The following ARHGEF10L variants were observed in gnomAD, a reference collection of about 807,000 sequenced individuals.
ARHGEF10L encodes Rho guanine nucleotide exchange factor 10 like.
ARHGEF10L carries 69 observed loss-of-function variants against 141.2 expected under a neutral mutation model. That is an observed-to-expected ratio of 0.49 (90% CI 0.40 to 0.60). The LOEUF is 0.60. Ranked by LOEUF, ARHGEF10L falls within the 20% of genes least tolerant of loss-of-function variation. The pLI, the probability that ARHGEF10L is intolerant of heterozygous loss-of-function variation, is 0.00. For synonymous variants in ARHGEF10L, 711 were observed against 718.5 expected, an observed-to-expected ratio of 0.99 and a Z score of 0.17; for missense variants, 1,482 against 1,734.3, an observed-to-expected ratio of 0.85 and a Z score of 2.58.
chr1:17,627,307 C>T lies in ARHGEF10L; in HGVS notation c.1411-23C>T, dbSNP rs769470123. The T allele has an allele frequency of 6.2e-6, 10 of 1,606,770 alleles. No individual in the cohort carries two copies. The Admixed American group carries it at 1.5e-4, about 24-fold the overall frequency. On this transcript the variant is annotated intron_variant, in intron 14 of 28. Coordinates refer to ENST00000361221, the MANE Select transcript of ARHGEF10L (RefSeq NM_018125.4). The surrounding 1 kb of genome is among the most constrained non-coding windows in gnomAD (Gnocchi z 4.0). ...TAGAGTTGGTCATGGGTGGGCTGCTCAGTCTCTGCTCTGACCTGGCAGGAC... is the reference window on the plus strand; with the variant it reads ...TAGAGTTGGTCATGGGTGGGCTGCTTAGTCTCTGCTCTGACCTGGCAGGAC...
chr1:17,587,622 A>G lies in ARHGEF10L; in HGVS notation c.200A>G (p.His67Arg), dbSNP rs746146025. 3 of 1,613,000 alleles carry G rather than the reference A, an allele frequency of 1.9e-6. No homozygotes were observed. The highest frequency in any genetic ancestry group is 2.5e-6 in the Non-Finnish European group (3 of 1,179,496). Reference sequence around the variant, plus strand: ...AGGGACACAGACCCCCCACTGATCCACTTGGACTCCATCCCTGTCACTGGT... The same window carrying G: ...AGGGACACAGACCCCCCACTGATCCGCTTGGACTCCATCCCTGTCACTGGT... ...PERDTDPPLIHLDSIPVTDPD... is the reference protein window; with the variant it reads ...PERDTDPPLIRLDSIPVTDPD... Residue 67 changes from histidine (H) to arginine (R), a missense_variant, in exon 3 of 29, where the codon CAC becomes CGC. Around this residue, in one of 3 missense-constraint regions of ARHGEF10L, gnomAD observed 232 missense variants for 225.9 expected, o/e 1.03. Transcript: ENST00000361221.
intron 27 of ARHGEF10L, among the ~76,000 whole-genome samples, chr1:17,689,031 A>G (rs189954147): frequency 1.3e-5 from 2 of 152,020 alleles, no homozygotes; most frequent in Admixed American, 6.5e-5. Flanking sequence ...TTTCACCCTA[A>G]CCCTGCGAGC....
chr1:17,662,436 A>G (rs1380809697), intron 25 of ARHGEF10L, among the ~76,000 whole-genome samples: 1 of 152,214 alleles, frequency 6.6e-6, no homozygotes, highest in Non-Finnish European at 1.5e-5. Context: ...CCAAGTTCAC[A>G]CAGAAGTTCT....
chr1:17,697,716 G>C lies in ARHGEF10L; in HGVS notation c.*336G>C, dbSNP rs1558069883. On this transcript the variant is annotated 3_prime_UTR_variant, in exon 29 of 29. Transcript: ENST00000361221. The surrounding 1 kb of genome is among the most constrained non-coding windows in gnomAD (Gnocchi z 4.8). ...AGGCAGCCACACGCCCCTCCTGGAA[G>C]GGTGTGTGCGTGTGAGTGTGTGCGA... 1 of 516,658 alleles carries C rather than the reference G, an allele frequency of 1.9e-6. No individual in the cohort carries two copies. Among genetic ancestry groups the C allele is most frequent in the East Asian group, 5.1e-5 (1 of 19,510 alleles). The allele number at this position is 516,658 out of a possible 1,614,324, so 32.0% of individuals were successfully genotyped here.
chr1:17,657,795 C>T (rs982332980), intron 25 of ARHGEF10L, among the ~76,000 whole-genome samples: 3 of 152,310 alleles, frequency 2.0e-5, no homozygotes, highest in East Asian at 1.9e-4. Flanking sequence ...AGTTCTAGAG[C>T]GACCACTCCC....
At position 17,673,212 on chromosome 1, in the gene ARHGEF10L, C is replaced by T. The variant is rs977565565; in HGVS notation, c.3009+8617C>T. Among the ~76,000 whole-genome samples, 4 of 152,072 alleles carry T rather than the reference C, an allele frequency of 2.6e-5. No homozygotes were observed. The highest frequency in any genetic ancestry group is 5.9e-5 in the Non-Finnish European group (4 of 68,018). On this transcript the variant is annotated intron_variant, in intron 26 of 28. Transcript: ENST00000361221. The surrounding 1 kb of genome is among the most constrained non-coding windows in gnomAD (Gnocchi z 4.1). ...GGGAGGTGAGGAAGGGGAGCTGGCA[C>T]GGCAGGGGCAGTCCTGTCCTTGTGA...
chr1:17,608,475 C>T (rs903807852), intron 7 of ARHGEF10L, among the ~76,000 whole-genome samples: 1 of 152,338 alleles, frequency 6.6e-6, no homozygotes. Flanking sequence ...TAAGCCAGAG[C>T]GGCCTGGAAG....
chr1:17,657,419 G>A (rs1346032839), intron 25 of ARHGEF10L, among the ~76,000 whole-genome samples: 1 of 152,158 alleles, frequency 6.6e-6, no homozygotes, highest in African/African-American at 2.4e-5. Flanking sequence ...CCATCCTCTG[G>A]GCTTGTTCAG....
At chr1:17,586,211 T>C (rs1191357524) in intron 2 of ARHGEF10L, among the ~76,000 whole-genome samples, 1 of 152,222 alleles carries the variant, frequency 6.6e-6, no homozygotes, top group African/African-American at 2.4e-5. Context: ...CTGATGTTCA[T>C]GTCAGCCTTA....
chr1:17,626,164 C>A, intron 14 of ARHGEF10L, 116 bp downstream of exon 14: 1 of 793,670 alleles, frequency 1.3e-6, no homozygotes, highest in Non-Finnish European at 2.1e-6. Flanking sequence ...ATAACCCACC[C>A]AACCTGCTGT....
At chr1:17,657,516 C>T (rs1404216234) in intron 25 of ARHGEF10L, among the ~76,000 whole-genome samples, 2 of 152,176 alleles carry the variant, frequency 1.3e-5, no homozygotes, top group African/African-American at 2.4e-5. Flanking sequence ...GGGCCCGCAG[C>T]GTCTCTTCTC....
chr1:17,536,898 G>A (rs768274300), upstream of ARHGEF10L, among the ~76,000 whole-genome samples: 1 of 151,962 alleles, frequency 6.6e-6, no homozygotes, highest in Non-Finnish European at 1.5e-5. Flanking sequence ...CAGAGACAGA[G>A]TCATGCTGTT....
At chr1:17,695,397 C>T (rs2065424773) in intron 28 of ARHGEF10L, 117 bp downstream of exon 28, 3 of 1,375,102 alleles carry the variant, frequency 2.2e-6, no homozygotes, top group African/African-American at 2.9e-5. Context: ...GTTCCAGTCT[C>T]CAGCTTCCTC....
At chr1:17,601,824 G>A (rs929455024) in intron 4 of ARHGEF10L, among the ~76,000 whole-genome samples, 2 of 152,184 alleles carry the variant, frequency 1.3e-5, no homozygotes, top group Non-Finnish European at 2.9e-5. Context: ...AGAGGTGGAG[G>A]TTCCCTTTGA....
intron 27 of ARHGEF10L, 115 bp downstream of exon 27, chr1:17,687,862 G>C: frequency 8.2e-7 from 1 of 1,216,236 alleles, no homozygotes; most frequent in Non-Finnish European, 1.1e-6. Context: ...TGAAAACTGG[G>C]GCTTTAATTT....
intron 1 of ARHGEF10L, among the ~76,000 whole-genome samples, chr1:17,568,816 C>T (rs1212388089): frequency 1.3e-5 from 2 of 152,044 alleles, no homozygotes; most frequent in Admixed American, 6.6e-5. Flanking sequence ...ATCCTGGTCC[C>T]GGATTTGACT....
intron 1 of ARHGEF10L, among the ~76,000 whole-genome samples, chr1:17,553,827 A>G (rs2077203321): frequency 6.6e-6 from 1 of 152,160 alleles, no homozygotes; most frequent in African/African-American, 2.4e-5. Context: ...GCAGCGTATG[A>G]TGACGACTAT....
chr1:17,548,388 A>G (rs1199558682), intron 1 of ARHGEF10L, among the ~76,000 whole-genome samples: 1 of 152,168 alleles, frequency 6.6e-6, no homozygotes, highest in Admixed American at 6.6e-5. Flanking sequence ...TGGAGAAGTG[A>G]GGAGACAAAA....
chr1:17,576,119 C>T (rs1404850626), intron 1 of ARHGEF10L, among the ~76,000 whole-genome samples: 2 of 152,128 alleles, frequency 1.3e-5, no homozygotes, highest in African/African-American at 2.4e-5. Context: ...TGTTTTCTTC[C>T]TCCAGGCCTC....
Sources: allele counts gnomAD v4.1 joint callset (sites outside exome capture counted in the v4.1 genomes callset), GRCh38; gene constraint gnomAD v4.1.1; regional missense constraint gnomAD v4.1.1; non-coding constraint Gnocchi (gnomAD v3.1); transcripts MANE v1.5; gene names NCBI Gene and HGNC (gene_info 2026-07-23, HGNC 2026-07-21).